Variants in HDAC4 observed in about 807,000 individuals in gnomAD.
The protein encoded by HDAC4 is histone deacetylase A.
Under a neutral mutation model 135.1 loss-of-function variants are expected in HDAC4, and 16 were observed. That is an observed-to-expected ratio of 0.12 (90% confidence interval 0.08 to 0.18). The LOEUF (loss-of-function observed/expected upper bound fraction) is 0.18. Ranked by LOEUF, HDAC4 falls within the 10% of genes least tolerant of loss-of-function variation. HDAC4 has a pLI of 1.00. For missense variants in HDAC4, 1,143 were observed against 1,511.8 expected (o/e 0.76, Z 4.05); for synonymous variants, 685 against 653.4 (o/e 1.05, Z -0.74).
chr2:239,207,931 TAC>T, intron 3 of HDAC4, among the ~76,000 whole-genome samples: 1 of 152,208 alleles, frequency 6.6e-6, no homozygotes, highest in East Asian at 1.9e-4. Context: ...TGGTCATAAA[TAC>T]AGTCACAAAA....
At chr2:239,329,710 C>T (rs908667622) in intron 2 of HDAC4, among the ~76,000 whole-genome samples, 1 of 152,224 alleles carries the variant, frequency 6.6e-6, no homozygotes, top group South Asian at 2.1e-4. Flanking sequence ...CCTTGCCAGA[C>T]ACTCAGGGCC....
chr2:239,117,719 G>C (rs1197391958), intron 12 of HDAC4, among the ~76,000 whole-genome samples: 3 of 152,156 alleles, frequency 2.0e-5, no homozygotes, highest in Non-Finnish European at 4.4e-5. Flanking sequence ...CAAAGTCCCA[G>C]ATCGAGGGGT....
Position 239,226,843 on chromosome 2 carries a change from C to T in HDAC4, c.94+9750G>A, listed in dbSNP as rs560749873. Among the ~76,000 whole-genome samples the T allele has an allele frequency of 5.8e-4, 88 of 152,270 alleles. 2 individuals are homozygous for T. The South Asian group carries it at 0.017, about 29-fold the overall frequency. On this transcript the variant is annotated intron_variant, in intron 3 of 26. Coordinates refer to ENST00000543185, the MANE Select transcript of HDAC4 (RefSeq NM_001378414.1). ...GTGTCCTGGGCCGCGTGGGGAGGCA[C>T]GGTCCCACCTGCCAGCCACAGGGTG...
At chr2:239,125,487 G>T (rs1317182639) in intron 12 of HDAC4, among the ~76,000 whole-genome samples, 2 of 152,174 alleles carry the variant, frequency 1.3e-5, no homozygotes, top group Non-Finnish European at 2.9e-5. Flanking sequence ...GCAGTCTGAG[G>T]TATTTCTCTA....
chr2:239,058,814 A>G (rs912886711), intron 24 of HDAC4, among the ~76,000 whole-genome samples: 17 of 152,256 alleles, frequency 1.1e-4, no homozygotes, highest in African/African-American at 4.1e-4. Flanking sequence ...TCCAGCAGAC[A>G]ATCGTCGGTC....
intron 9 of HDAC4, among the ~76,000 whole-genome samples, chr2:239,137,271 T>C (rs1189449464): frequency 1.3e-5 from 2 of 152,196 alleles, no homozygotes; most frequent in Non-Finnish European, 2.9e-5. Context: ...GGACCGCATC[T>C]CAGCATGTGC....
rs139356303 is a variant in HDAC4, at chr2:239,382,930, A to G, written c.-220+18048T>C. On this transcript the variant is annotated intron_variant, in intron 1 of 26. Coordinates refer to ENST00000543185, the MANE Select transcript of HDAC4 (RefSeq NM_001378414.1). ...TTTTTAGTAGAGATGGGGTTTCACC[A>G]TGTTGACCAGGCTGGTCGTGAACTC... Among the ~76,000 whole-genome samples, 1,139 of 152,130 alleles carry G rather than the reference A, an allele frequency of 7.5e-3. 12 individuals are homozygous for G. Among genetic ancestry groups the G allele is most frequent in the African/African-American group, 0.026 (1,090 of 41,514 alleles).
At chr2:239,243,870 G>A (rs930066989) in intron 2 of HDAC4, among the ~76,000 whole-genome samples, 14 of 152,106 alleles carry the variant, frequency 9.2e-5, no homozygotes, top group African/African-American at 2.2e-4. Flanking sequence ...GAAAAAGCCC[G>A]GACTTGATTC....
chr2:239,305,370 G>C (rs148767392), intron 2 of HDAC4: 6 of 152,736 alleles, frequency 3.9e-5, no homozygotes, highest in African/African-American at 1.4e-4. Flanking sequence ...TCCTTACTCC[G>C]CTGGCCTGTC....
At chr2:239,253,695 T>G (rs2048905966) in intron 2 of HDAC4, among the ~76,000 whole-genome samples, 1 of 152,134 alleles carries the variant, frequency 6.6e-6, no homozygotes, top group South Asian at 2.1e-4. Flanking sequence ...AATCTCGCCC[T>G]AATATTGTAG....
In HDAC4 at chr2:239,234,575, T is replaced by G. The variant is rs1033920784; in HGVS notation, c.94+2018A>C. ...ATTTATTGAGGAACTACTAAAAAGC[T>G]GACACATATCTTTCATCTTTATGAG... On this transcript the variant is annotated intron_variant, in intron 3 of 26. Coordinates refer to ENST00000543185, the MANE Select transcript of HDAC4 (RefSeq NM_001378414.1). Among the ~76,000 whole-genome samples the G allele has an allele frequency of 5.9e-5, 9 of 152,196 alleles. No homozygotes were observed. The South Asian group carries it at 1.9e-3, about 32-fold the overall frequency.
intron 2 of HDAC4, among the ~76,000 whole-genome samples, chr2:239,263,432 C>T (rs58125500): frequency 1.3e-5 from 2 of 151,850 alleles, no homozygotes; most frequent in African/African-American, 2.4e-5. Context: ...GCTTCCCCCT[C>T]GGAGCTGCCC....
At chr2:239,237,898 A>C (rs1462115894) in intron 2 of HDAC4, among the ~76,000 whole-genome samples, 2 of 152,236 alleles carry the variant, frequency 1.3e-5, no homozygotes, top group African/African-American at 4.8e-5. Context: ...GGCAACTCTT[A>C]AGGTTTGAAA....
rs968471743 is a variant in HDAC4 at position 239,308,392 on chromosome 2, C to G, written c.22+44286G>C. On this transcript the variant is annotated intron_variant, in intron 2 of 26. Coordinates refer to ENST00000543185, the MANE Select transcript of HDAC4 (RefSeq NM_001378414.1). This position sits in a 1 kb window ranked among gnomAD's most constrained non-coding sequence, Gnocchi z 4.2. ...ATAAGAATTCCACACTTCCATGAGGCTGTAATCAACTTGGGAGTGAGGAGT... is the reference window on the plus strand; with the variant it reads ...ATAAGAATTCCACACTTCCATGAGGGTGTAATCAACTTGGGAGTGAGGAGT... Among the ~76,000 whole-genome samples, 1 of 152,092 alleles carries G rather than the reference C, an allele frequency of 6.6e-6. No homozygotes were observed. Among genetic ancestry groups the G allele is most frequent in the Non-Finnish European group, 1.5e-5 (1 of 68,028 alleles).
Position 239,146,098 on chromosome 2 carries a change from C to T in HDAC4, c.734-1384G>A, listed in dbSNP as rs1189785812. 6.6e-6 allele frequency among the ~76,000 whole-genome samples: 1 copy of T among 152,222 alleles called. No homozygotes were observed. The highest frequency in any genetic ancestry group is 1.5e-5 in the Non-Finnish European group (1 of 68,042). ...TGACGACAGATGACGGATTCAGCCA[C>T]AAGCCGGCCTCTCCACGGGCTACTG... is the stretch of plus-strand genomic sequence containing the variant. On this transcript the variant is annotated intron_variant, in intron 7 of 26. Transcript: ENST00000543185. This position sits in a 1 kb window ranked among gnomAD's most constrained non-coding sequence, Gnocchi z 4.5.
At chr2:239,261,433 C>T (rs1156919228) in intron 2 of HDAC4, among the ~76,000 whole-genome samples, 2 of 152,162 alleles carry the variant, frequency 1.3e-5, no homozygotes, top group South Asian at 2.1e-4. Context: ...GGAAGCAAAC[C>T]GTGGCAGGCC....
At chr2:239,057,418 C>A (rs2032024336) in intron 24 of HDAC4, among the ~76,000 whole-genome samples, 1 of 152,180 alleles carries the variant, frequency 6.6e-6, no homozygotes, top group Non-Finnish European at 1.5e-5. Flanking sequence ...ATGTGAGACC[C>A]AAGCCAGGGG....
rs181825333 is a variant in HDAC4 at position 239,059,990 on chromosome 2, C to T, written c.3004-5157G>A. ...TCACACTCGTAGTTCTCGAGAGTGA[C>T]CGTGGACTGTGCTGGGCAACACAGC... is the stretch of plus-strand genomic sequence containing the variant. On this transcript the variant is annotated intron_variant, in intron 24 of 26. Coordinates refer to ENST00000543185, the MANE Select transcript of HDAC4 (RefSeq NM_001378414.1). Among the ~76,000 whole-genome samples, 55 of 152,324 alleles carry T rather than the reference C, an allele frequency of 3.6e-4. No individual in the cohort carries two copies. In the East Asian group the frequency reaches 0.01, roughly 28 times the overall value.
intron 12 of HDAC4, among the ~76,000 whole-genome samples, chr2:239,119,892 GCA>G (rs1452209251): frequency 6.6e-6 from 1 of 152,184 alleles, no homozygotes; most frequent in Non-Finnish European, 1.5e-5. Flanking sequence ...GCAGAGGCTG[GCA>G]CAGAGGCTGG....
Sources: gnomAD v4.1 joint callset for allele counts (sites outside exome capture counted in the v4.1 genomes callset) on GRCh38, gnomAD v4.1.1 for gene constraint, Gnocchi (gnomAD v3.1) non-coding constraint, MANE v1.5 for transcripts, NCBI Gene and HGNC (gene_info 2026-07-23, HGNC 2026-07-21) for gene names.